The following GLRX3 variants were observed in gnomAD, a reference collection of about 807,000 sequenced individuals.
GLRX3 encodes the protein glutaredoxin-3.
A neutral mutation model predicts 49.5 loss-of-function variants in GLRX3; 22 were observed. That is an observed-to-expected ratio of 0.44 (90% CI 0.32 to 0.63). The LOEUF is 0.63. GLRX3 is among the 30% of genes least tolerant of loss of function. The probability of loss-of-function intolerance (pLI) is 0.05; values close to 1 mark genes in which losing one functional copy is unlikely to be tolerated. For synonymous variants in GLRX3, 133 were observed against 140.0 expected, an observed-to-expected ratio of 0.95 and a Z score of 0.35; for missense variants, 385 against 396.3, an observed-to-expected ratio of 0.97 and a Z score of 0.24.
At chr10:130,175,323 C>T (rs575959505) in intron 10 of GLRX3, among the ~76,000 whole-genome samples, 21 of 152,318 alleles carry the variant, frequency 1.4e-4, no homozygotes, top group African/African-American at 3.8e-4. Context: ...CATTGCATCT[C>T]CTTTCTGTGG....
chr10:130,149,550 C>T (rs1051156399), intron 2 of GLRX3, among the ~76,000 whole-genome samples: 7 of 151,922 alleles, frequency 4.6e-5, no homozygotes, highest in African/African-American at 1.7e-4. Context: ...ATTACATAGT[C>T]AGTATCTTCT....
intron 2 of GLRX3, among the ~76,000 whole-genome samples, chr10:130,152,208 A>G (rs967254424): frequency 1.5e-4 from 23 of 151,940 alleles, no homozygotes; most frequent in Non-Finnish European, 7.4e-5. Flanking sequence ...TAGTAGAGAC[A>G]GGGTTTCACC....
In GLRX3 at chr10:130,160,942, T is replaced by A; in HGVS notation, c.423T>A (p.Thr141=). Residue 141 remains threonine (T), a synonymous_variant, in exon 4 of 11, where the codon ACT becomes ACA. Transcript: ENST00000331244. ...TCAACCTTCGCTTGAAGAAATTGAC[T>A]CATGCTGCCCCCTGCATGCTGTTTA... The part of the protein sequence containing the change: ...EDLNLRLKKL[T]HAAPCMLFMK... 1 of 1,613,912 alleles carries A rather than the reference T, an allele frequency of 6.2e-7. No individual in the cohort carries two copies. The highest frequency in any genetic ancestry group is 8.5e-7 in the Non-Finnish European group (1 of 1,179,874).
intron 2 of GLRX3, among the ~76,000 whole-genome samples, chr10:130,153,095 G>A (rs1367858143): frequency 2.0e-5 from 3 of 151,764 alleles, no homozygotes; most frequent in East Asian, 1.9e-4. Context: ...TGATCGAATC[G>A]GCTATTGAAG....
intron 2 of GLRX3, among the ~76,000 whole-genome samples, chr10:130,150,802 G>A (rs771499863): frequency 1.3e-5 from 2 of 152,060 alleles, no homozygotes; most frequent in Non-Finnish European, 2.9e-5. Context: ...GCTAACTAGT[G>A]GAATTAAAAT....
At chr10:130,150,404 A>G (rs569498452) in intron 2 of GLRX3, among the ~76,000 whole-genome samples, 2 of 152,274 alleles carry the variant, frequency 1.3e-5, no homozygotes, top group African/African-American at 4.8e-5. Flanking sequence ...CTTCAGTGCA[A>G]ACATTCTCAA....
chr10:130,150,239 CA>C (rs35014993), intron 2 of GLRX3, among the ~76,000 whole-genome samples: 196 of 94,508 alleles, frequency 2.1e-3, no homozygotes, highest in South Asian at 8.7e-3. Flanking sequence ...GACTCCATCT[CA>C]AAAAAAAAAA....
intron 4 of GLRX3, among the ~76,000 whole-genome samples, chr10:130,162,382 T>G (rs985001477): frequency 3.3e-5 from 5 of 152,256 alleles, no homozygotes; most frequent in African/African-American, 1.2e-4. Flanking sequence ...TAACTTAGTC[T>G]GTACTAAACT....
Position 130,160,070 on chromosome 10 carries a change from G to A in GLRX3, c.276+1G>A. On this transcript the variant is annotated splice_donor_variant, in intron 3 of 10. Coordinates refer to ENST00000331244, the MANE Select transcript of GLRX3 (RefSeq NM_006541.5). LOFTEE classifies it high-confidence loss of function. ...TGTTCCCACTTTTCTGTTTTTCAAG[G>A]TAAGGATAAAGGTGGTACAAGAGAT... is the stretch of plus-strand genomic sequence containing the variant. 1 of 1,574,828 alleles carries A rather than the reference G, an allele frequency of 6.3e-7. No homozygotes were observed. The highest frequency in any genetic ancestry group is 8.7e-7 in the Non-Finnish European group (1 of 1,144,346).
intron 2 of GLRX3, among the ~76,000 whole-genome samples, chr10:130,150,962 G>A (rs1418356828): frequency 1.4e-5 from 2 of 146,402 alleles, no homozygotes; most frequent in East Asian, 2.0e-4. Flanking sequence ...GAGTCTCACT[G>A]TGTCGCCCAG....
chr10:130,155,780 T>C (rs958238437), intron 2 of GLRX3, among the ~76,000 whole-genome samples: 1 of 151,810 alleles, frequency 6.6e-6, no homozygotes, highest in Non-Finnish European at 1.5e-5. Flanking sequence ...GGAGAATGAG[T>C]GTGGATAGGC....
At chr10:130,167,616 T>C (rs745827329) in intron 6 of GLRX3, among the ~76,000 whole-genome samples, 1 of 152,158 alleles carries the variant, frequency 6.6e-6, no homozygotes, top group African/African-American at 2.4e-5. Flanking sequence ...TATAGAACTT[T>C]AAAAAGGAAT....
chr10:130,176,227 C>A (rs895362803), intron 10 of GLRX3, among the ~76,000 whole-genome samples: 3 of 150,824 alleles, frequency 2.0e-5, no homozygotes, highest in Non-Finnish European at 4.4e-5. Flanking sequence ...TCATGTGATT[C>A]TCCTGCCTCA....
rs1442202943 is a variant in GLRX3, at chr10:130,166,800, C to G, written c.652-119C>G. On this transcript the variant is annotated intron_variant, in intron 5 of 10. Coordinates refer to ENST00000331244, the MANE Select transcript of GLRX3 (RefSeq NM_006541.5). Reference sequence around the variant, plus strand: ...ATCTATATTTACTAATAAGAACCTGCAATGAATACACAGTATTTCTGATTA... The same window carrying G: ...ATCTATATTTACTAATAAGAACCTGGAATGAATACACAGTATTTCTGATTA... 5.6e-6 allele frequency: 5 copies of G among 893,218 alleles called. No homozygotes were observed. The East Asian group carries it at 1.2e-4, about 22-fold the overall frequency. The allele number at this position is 893,218 out of a possible 1,614,324, so 55.3% of individuals were successfully genotyped here. A position where few individuals can be genotyped will look rare whatever the true frequency, so the allele number is the denominator to read the frequency against.
chr10:130,150,426 C>T (rs765259556), intron 2 of GLRX3, among the ~76,000 whole-genome samples: 1 of 152,052 alleles, frequency 6.6e-6, no homozygotes, highest in African/African-American at 2.4e-5. Context: ...GTCAGACTTA[C>T]CAGCTAGCTG....
intron 4 of GLRX3, among the ~76,000 whole-genome samples, chr10:130,161,305 A>T (rs1476453238): frequency 1.3e-5 from 2 of 152,230 alleles, no homozygotes; most frequent in African/African-American, 4.8e-5. Context: ...TGGTAAGCAG[A>T]GTTAGGATTA....
intron 4 of GLRX3, among the ~76,000 whole-genome samples, chr10:130,165,209 CT>C (rs2134910461): frequency 6.6e-6 from 1 of 152,254 alleles, no homozygotes; most frequent in African/African-American, 2.4e-5. Context: ...AGAATAGGTT[CT>C]TTTCCAGTGA....
At chr10:130,167,433 C>T (rs1262428465) in intron 6 of GLRX3, among the ~76,000 whole-genome samples, 3 of 152,172 alleles carry the variant, frequency 2.0e-5, no homozygotes, top group Non-Finnish European at 4.4e-5. Context: ...GCTTTGAGCA[C>T]TTCTCATGGC....
At chr10:130,152,800 A>G (rs187809926) in intron 2 of GLRX3, among the ~76,000 whole-genome samples, 24 of 151,564 alleles carry the variant, frequency 1.6e-4, no homozygotes, top group Admixed American at 1.4e-3. Context: ...CTTCTTGAGG[A>G]GTATATTTGT....
Sources: allele counts gnomAD v4.1 joint callset (sites outside exome capture counted in the v4.1 genomes callset), GRCh38; gene constraint gnomAD v4.1.1; transcripts MANE v1.5; gene names NCBI Gene and HGNC (gene_info 2026-07-23, HGNC 2026-07-21).